Variants in NGEF observed in about 807,000 individuals in gnomAD.
The protein encoded by NGEF is neuronal guanine nucleotide exchange factor, also known as ephexin-1.
Under a neutral mutation model 80.9 loss-of-function variants are expected in NGEF, and 31 were observed. That is an observed-to-expected ratio of 0.38 (90% CI 0.29 to 0.52). The LOEUF is 0.52. Among genes scored for constraint, NGEF ranks in the 20% least tolerant of loss-of-function variants. The probability of loss-of-function intolerance (pLI) is 0.84; values close to 1 mark genes in which losing one functional copy is unlikely to be tolerated. For synonymous variants in NGEF, 371 were observed against 370.2 expected, an observed-to-expected ratio of 1.00 and a Z score of -0.03; for missense variants, 709 against 926.2, an observed-to-expected ratio of 0.77 and a Z score of 3.04.
chr2:232,969,995 T>C (rs1222138732), intron 3 of NGEF: 1 of 283,668 alleles, frequency 3.5e-6, no homozygotes, highest in African/African-American at 2.2e-5. Flanking sequence ...CAAGACCACA[T>C]CACTGCCCAC....
intron 5 of NGEF, among the ~76,000 whole-genome samples, chr2:232,896,908 G>T (rs1463101921): frequency 5.9e-5 from 7 of 119,396 alleles, no homozygotes. Context: ...GGGGGTAAGG[G>T]TAAAGGTAGG....
At chr2:232,944,726 AATAT>A (rs57851903) in intron 3 of NGEF, among the ~76,000 whole-genome samples, 10,342 of 108,290 alleles carry the variant, frequency 0.096, 595 homozygotes, top group South Asian at 0.2. Context: ...GACTTTTCCG[AATAT>A]ATATATATAT....
At chr2:233,010,081 T>A (rs1648256062) in intron 1 of NGEF, among the ~76,000 whole-genome samples, 1 of 152,058 alleles carries the variant, frequency 6.6e-6, no homozygotes, top group Admixed American at 6.5e-5. Flanking sequence ...TTAGTAGAGA[T>A]GGGGTTTCAC....
At chr2:232,977,465 C>T (rs185470990) in intron 1 of NGEF, among the ~76,000 whole-genome samples, 7 of 152,262 alleles carry the variant, frequency 4.6e-5, no homozygotes, top group Non-Finnish European at 8.8e-5. Flanking sequence ...AGGCTGGAGG[C>T]GCTGTTGAGG....
At chr2:232,899,541 C>T (rs1692206291) in intron 5 of NGEF, among the ~76,000 whole-genome samples, 2 of 152,094 alleles carry the variant, frequency 1.3e-5, no homozygotes, top group Admixed American at 6.5e-5. Flanking sequence ...CACTCATATA[C>T]ATGTTCACTC....
intron 3 of NGEF, among the ~76,000 whole-genome samples, chr2:232,966,843 C>T (rs1472820249): frequency 1.3e-5 from 2 of 152,010 alleles, no homozygotes; most frequent in Non-Finnish European, 2.9e-5. Context: ...CTGTTGATAC[C>T]CTCCAGTGAG....
intron 1 of NGEF, among the ~76,000 whole-genome samples, chr2:233,010,319 C>T (rs1437844397): frequency 1.3e-5 from 2 of 152,182 alleles, no homozygotes; most frequent in African/African-American, 4.8e-5. Context: ...TATCTGTGAA[C>T]GTATGCTATT....
chr2:232,984,947 G>T lies in NGEF; in HGVS notation c.-74-9983C>A, dbSNP rs79780344. Among the ~76,000 whole-genome samples, 842 of 152,256 alleles carry T rather than the reference G, an allele frequency of 5.5e-3. 8 individuals carry two copies. Among genetic ancestry groups the T allele is most frequent in the African/African-American group, 0.019 (802 of 41,544 alleles). ...GTGTAAGAGGTTGAATGAACGAAAA[G>T]CAGGCAAATTAGGAAATGAAATAAG... On this transcript the variant is annotated intron_variant, in intron 1 of 14. Coordinates refer to ENST00000264051, the MANE Select transcript of NGEF (RefSeq NM_019850.3).
intron 3 of NGEF, among the ~76,000 whole-genome samples, chr2:232,968,183 G>A (rs1694105787): frequency 6.7e-6 from 1 of 150,148 alleles, no homozygotes; most frequent in Admixed American, 6.7e-5. Context: ...CTGCCTTCCG[G>A]GTTCAAGTGA....
In NGEF at chr2:232,963,940, G is replaced by T. The variant is rs573084423; in HGVS notation, c.383+6274C>A. Among the ~76,000 whole-genome samples the T allele has an allele frequency of 5.3e-5, 8 of 152,204 alleles. No individual in the cohort carries two copies. The South Asian group carries it at 8.3e-4, about 16-fold the overall frequency. The stretch of plus-strand genomic sequence containing the variant: ...AAAAATATAATAAAAAATAAAAAAT[G>T]GTTAGGCATCTTAAACAGGCACCAT... On this transcript the variant is annotated intron_variant, in intron 3 of 14. Transcript: ENST00000264051.
At chr2:232,899,012 G>C (rs1419937449) in intron 5 of NGEF, among the ~76,000 whole-genome samples, 3 of 152,060 alleles carry the variant, frequency 2.0e-5, no homozygotes, top group African/African-American at 7.2e-5. Context: ...GTGTATGTGT[G>C]TTAACATGTG....
At chr2:232,968,105 T>TTTTTTTTTTTTTTTTTTA (rs1694102814) in intron 3 of NGEF, among the ~76,000 whole-genome samples, 1 of 151,070 alleles carries the variant, frequency 6.6e-6, no homozygotes, top group African/African-American at 2.5e-5. Flanking sequence ...TTTTTTTTTT[T>TTTTTTTTTTTTTTTTTTA]GAGACAAAGT....
intron 3 of NGEF, among the ~76,000 whole-genome samples, chr2:232,935,629 A>G (rs1693312594): frequency 6.6e-6 from 1 of 152,196 alleles, no homozygotes; most frequent in South Asian, 2.1e-4. Flanking sequence ...AAAACAAAAA[A>G]AAAGAAACTG....
chr2:232,998,249 A>G (rs1479859877), intron 1 of NGEF, among the ~76,000 whole-genome samples: 2 of 152,142 alleles, frequency 1.3e-5, no homozygotes, highest in African/African-American at 2.4e-5. Context: ...GGTGGCTACT[A>G]TTGAATCTGA....
intron 1 of NGEF, 48 bp from the exon 2 acceptor site, chr2:232,975,012 AT>A (rs1407620429): frequency 1.0e-6 from 1 of 955,714 alleles, no homozygotes; most frequent in African/African-American, 1.6e-5. Flanking sequence ...CAGGCTAAGT[AT>A]TCTATTCAGA....
intron 2 of NGEF, among the ~76,000 whole-genome samples, chr2:232,973,922 C>A (rs1694242701): frequency 6.6e-6 from 1 of 152,164 alleles, no homozygotes; most frequent in Non-Finnish European, 1.5e-5. Context: ...GGGGTTGCCA[C>A]TCTGGCACAC....
chr2:232,992,183 C>T (rs1333151277), intron 1 of NGEF, among the ~76,000 whole-genome samples: 2 of 152,142 alleles, frequency 1.3e-5, no homozygotes, highest in Non-Finnish European at 2.9e-5. Flanking sequence ...ACATATGACA[C>T]CAGCTGCACA....
rs577781370 is a variant in NGEF at position 232,974,663 on chromosome 2, C to T, written c.228G>A (p.Lys76=). 1.1e-5 allele frequency: 17 copies of T among 1,614,242 alleles called. No homozygotes were observed. The East Asian group carries it at 2.9e-4, about 27-fold the overall frequency. ...CGTTCCGTTCGGGGTTGTCTCTGGC[C>T]TTGGCTTTGCTTTTGCGTCTTATGG... is the stretch of plus-strand genomic sequence containing the variant. ...NRSIRRKSKA[K]ARDNPERNAS... Residue 76 remains lysine, a synonymous_variant, in exon 2 of 15, where the codon AAG becomes AAA. Coordinates refer to ENST00000264051, the MANE Select transcript of NGEF (RefSeq NM_019850.3).
rs1236566033 is a variant in NGEF at position 232,900,532 on chromosome 2, TCA to T, written c.829-5618_829-5617del. Among the ~76,000 whole-genome samples, 6 of 123,600 alleles carry T rather than the reference TCA, an allele frequency of 4.9e-5. 2 individuals are homozygous for T. Among genetic ancestry groups the T allele is most frequent in the South Asian group, 6.2e-4 (2 of 3,244 alleles). The allele number at this position is 123,600 out of a possible 152,430, so 81.1% of individuals were successfully genotyped here. ...CTCACATTCACTTAGACACATGCTC[TCA>T]CAGTCACTCATATACACGTTCACTC... is the stretch of plus-strand genomic sequence containing the variant. On this transcript the variant is annotated intron_variant, in intron 5 of 14. Transcript: ENST00000264051.
Sources: allele counts gnomAD v4.1 joint callset (sites outside exome capture counted in the v4.1 genomes callset), GRCh38; gene constraint gnomAD v4.1.1; transcripts MANE v1.5; gene names NCBI Gene and HGNC (gene_info 2026-07-23, HGNC 2026-07-21).